The following ABCB1 variants were observed in gnomAD, a reference collection of about 807,000 sequenced individuals.
ABCB1 encodes ATP binding cassette subfamily B member 1.
ABCB1 carries 69 observed loss-of-function variants against 142.0 expected under a neutral mutation model. The observed-to-expected ratio is 0.49, with a 90% CI of 0.40 to 0.59. The LOEUF (loss-of-function observed/expected upper bound fraction) is 0.59. Among genes scored for constraint, ABCB1 ranks in the 20% least tolerant of loss-of-function variants. ABCB1 has a pLI of 0.00. For synonymous variants in ABCB1, 532 were observed against 539.2 expected (o/e 0.99, Z 0.18); for missense variants, 1,326 against 1,554.7 (o/e 0.85, Z 2.47).
intron 4 of ABCB1, among the ~76,000 whole-genome samples, chr7:87,578,970 G>C (rs1196147685): frequency 1.3e-5 from 2 of 152,164 alleles, no homozygotes; most frequent in African/African-American, 4.8e-5. Context: ...TGGGATTACA[G>C]GCGTGAGCCA....
intron 1 of ABCB1, among the ~76,000 whole-genome samples, chr7:87,672,053 C>T (rs1825872146): frequency 6.6e-6 from 1 of 152,158 alleles, no homozygotes; most frequent in Non-Finnish European, 1.5e-5. Context: ...CTGGTCTGCT[C>T]AGACTCTCCA....
chr7:87,559,204 G>A (rs1030388428), intron 8 of ABCB1, among the ~76,000 whole-genome samples: 1 of 151,866 alleles, frequency 6.6e-6, no homozygotes, highest in African/African-American at 2.4e-5. Context: ...GACTTGTTTT[G>A]TGATTTCTGC....
chr7:87,568,242 CAATAATAAT>C (rs112610351), intron 5 of ABCB1, among the ~76,000 whole-genome samples: 10 of 135,922 alleles, frequency 7.4e-5, no homozygotes, highest in Non-Finnish European at 1.4e-4. Context: ...AAAAATACGA[CAATAATAAT>C]AATAATAATA....
chr7:87,664,749 A>G (rs554729897), intron 1 of ABCB1, among the ~76,000 whole-genome samples: 3 of 152,276 alleles, frequency 2.0e-5, no homozygotes, highest in Non-Finnish European at 4.4e-5. Context: ...AGCAAAATAT[A>G]TAAGTTTGTG....
chr7:87,549,435 A>G lies in ABCB1; in HGVS notation c.1638T>C (p.Val546=). 6.2e-7 allele frequency: 1 copy of G among 1,614,172 alleles called. No individual in the cohort carries two copies. The highest frequency in any genetic ancestry group is 8.5e-7 in the Non-Finnish European group (1 of 1,180,040). The change falls in exon 14 of 28, where the codon GTT becomes GTC. Residue 546 remains valine (V), a synonymous_variant. Coordinates refer to ENST00000622132, the MANE Select transcript of ABCB1 (RefSeq NM_001348946.2). ...KQRIAIARAL[V]RNPKILLLDE... ...CCAGCAGGAGGATCTTGGGGTTGCG[A>G]ACCAGGGCACGTGCAATGGCGATCC...
At chr7:87,641,143 G>T (rs767934800) in intron 1 of ABCB1, among the ~76,000 whole-genome samples, 20 of 151,916 alleles carry the variant, frequency 1.3e-4, no homozygotes, top group Middle Eastern at 3.4e-3. Context: ...TACTTTTGTT[G>T]TTCTTTTAGT....
intron 4 of ABCB1, among the ~76,000 whole-genome samples, chr7:87,579,898 G>A (rs191068277): frequency 6.6e-6 from 1 of 152,192 alleles, no homozygotes; most frequent in East Asian, 1.9e-4. Context: ...ACTTAATGCT[G>A]ATTACATACA....
At chr7:87,702,142 C>CAAAAAAAAAAA (rs146127516) in intron 1 of ABCB1, among the ~76,000 whole-genome samples, 4 of 16,776 alleles carry the variant, frequency 2.4e-4, no homozygotes, top group African/African-American at 7.0e-4. Context: ...GACTCTGTCT[C>CAAAAAAAAAAA]AAAAAAAAAA....
At chr7:87,630,836 C>G (rs888223601) in intron 1 of ABCB1, among the ~76,000 whole-genome samples, 2 of 151,770 alleles carry the variant, frequency 1.3e-5, no homozygotes, top group Non-Finnish European at 2.9e-5. Flanking sequence ...ATCATGTGTG[C>G]CCTTATCAGA....
intron 5 of ABCB1, among the ~76,000 whole-genome samples, chr7:87,568,817 TTA>T (rs1357940390): frequency 6.6e-6 from 1 of 152,238 alleles, no homozygotes; most frequent in African/African-American, 2.4e-5. Context: ...TAAGTGTTCA[TTA>T]TATAGCAAGA....
chr7:87,605,426 G>C (rs543939746), upstream of ABCB1, among the ~76,000 whole-genome samples: 12 of 152,256 alleles, frequency 7.9e-5, no homozygotes, highest in Non-Finnish European at 1.5e-4. Context: ...GAGCCACCAC[G>C]CCCAGCCTCC....
chr7:87,541,029 T>C (rs1282101270), intron 18 of ABCB1, among the ~76,000 whole-genome samples: 1 of 152,198 alleles, frequency 6.6e-6, no homozygotes, highest in East Asian at 1.9e-4. Flanking sequence ...TTACATTTAC[T>C]GGCAATACTT....
rs201195687 is a variant in ABCB1 at position 87,545,949 on chromosome 7, A to T, written c.1801T>A (p.Phe601Ile). 4 of 1,613,976 alleles carry T rather than the reference A, an allele frequency of 2.5e-6. No individual in the cohort carries two copies. The highest frequency in any genetic ancestry group is 3.4e-6 in the Non-Finnish European group (4 of 1,179,978). The change falls in exon 15 of 28, where the codon TTC becomes ATC. Residue 601 changes from phenylalanine to isoleucine, a missense_variant. Transcript: ENST00000622132. ...TVRNADVIAG[F>I]DDGVIVEKGN... The stretch of plus-strand genomic sequence containing the variant: ...TTCTCCACAATGACTCCATCATCGA[A>T]ACCAGCGATGACGTCAGCATTACGA...
intron 19 of ABCB1, chr7:87,537,134 G>A (rs1480084527): frequency 6.4e-6 from 1 of 155,466 alleles, no homozygotes; most frequent in Non-Finnish European, 1.4e-5. Flanking sequence ...CCTTCCTCTG[G>A]ACAGATTTGT....
chr7:87,506,978 T>C (rs1232109242), intron 26 of ABCB1, among the ~76,000 whole-genome samples: 2 of 152,154 alleles, frequency 1.3e-5, no homozygotes, highest in Non-Finnish European at 2.9e-5. Flanking sequence ...GAAGTGTATC[T>C]CATGTGAGTG....
intron 5 of ABCB1, among the ~76,000 whole-genome samples, chr7:87,568,133 C>T (rs1817859862): frequency 6.7e-6 from 1 of 149,512 alleles, no homozygotes; most frequent in Admixed American, 6.7e-5. Flanking sequence ...AAACAATTCA[C>T]ACCTGTAATC....
rs148897157 is a variant in ABCB1, at chr7:87,509,448, C to T, written c.3316G>A (p.Val1106Ile). Residue 1106 changes from valine (V) to isoleucine (I), a missense_variant, in exon 26 of 28, where the codon GTT becomes ATT. Val to Ile is a conservative substitution (Grantham distance 29). Transcript: ENST00000622132. Reference sequence around the variant, plus strand: ...CCCAGGTGTGCTCGGAGCCACTGAACATTCAGTCGCTTTATTTCTTTGCCA... The same window carrying T: ...CCCAGGTGTGCTCGGAGCCACTGAATATTCAGTCGCTTTATTTCTTTGCCA... The part of the protein sequence containing the change: ...LDGKEIKRLN[V>I]QWLRAHLGIV... 6.2e-5 allele frequency: 100 copies of T among 1,614,064 alleles called. No individual in the cohort carries two copies. The African/African-American group carries it at 1.2e-3, about 20-fold the overall frequency.
chr7:87,638,384 C>T (rs933541505), intron 1 of ABCB1, among the ~76,000 whole-genome samples: 1 of 125,232 alleles, frequency 8.0e-6, no homozygotes, highest in Non-Finnish European at 1.7e-5. Flanking sequence ...TGTGTGTTTC[C>T]TCCCCTGTTC....
At chr7:87,619,303 G>GC (rs1477860105) in intron 1 of ABCB1, among the ~76,000 whole-genome samples, 6 of 152,078 alleles carry the variant, frequency 3.9e-5, no homozygotes, top group African/African-American at 1.4e-4. Flanking sequence ...ACTTTGGGAG[G>GC]CCAAGTGGGC....
Sources: allele counts gnomAD v4.1 joint callset (sites outside exome capture counted in the v4.1 genomes callset), GRCh38; gene constraint gnomAD v4.1.1; transcripts MANE v1.5; gene names NCBI Gene and HGNC (gene_info 2026-07-23, HGNC 2026-07-21).